ADAMTSL1: variants seen among roughly 807,000 people sequenced by gnomAD.
ADAMTSL1 encodes the protein ADAMTS-like protein 1.
Under a neutral mutation model 201.8 loss-of-function variants are expected in ADAMTSL1, and 126 were observed. The ratio of observed to expected loss-of-function variants is 0.62; its 90% CI spans 0.54 to 0.72. The LOEUF is 0.72. Among genes scored for constraint, ADAMTSL1 ranks in the 30% least tolerant of loss-of-function variants. The pLI is 0.00. For synonymous variants in ADAMTSL1, 1,121 were observed against 903.4 expected (o/e 1.24, Z -4.32); for missense variants, 2,679 against 2,277.8 (o/e 1.18, Z -3.59).
intron 1 of ADAMTSL1, among the ~76,000 whole-genome samples, chr9:17,915,505 A>G (rs1413732991): frequency 6.6e-6 from 1 of 152,248 alleles, no homozygotes; most frequent in Non-Finnish European, 1.5e-5. Context: ...TTGCTATTAC[A>G]AATAAAGCTG....
chr9:18,457,078 A>G (rs184272437), intron 2 of ADAMTSL1, among the ~76,000 whole-genome samples: 1 of 152,170 alleles, frequency 6.6e-6, no homozygotes, highest in African/African-American at 2.4e-5. Flanking sequence ...TCATTTTGTC[A>G]CCCCACATTT....
intron 2 of ADAMTSL1, among the ~76,000 whole-genome samples, chr9:18,210,722 C>G (rs1299261422): frequency 6.6e-6 from 1 of 151,578 alleles, no homozygotes; most frequent in Non-Finnish European, 1.5e-5. Context: ...ACGAACAGCT[C>G]TGGCAGCTTA....
At chr9:18,177,179 G>A (rs774004103) in intron 2 of ADAMTSL1, among the ~76,000 whole-genome samples, 2 of 152,080 alleles carry the variant, frequency 1.3e-5, no homozygotes, top group Non-Finnish European at 2.9e-5. Context: ...AGTTTCTATG[G>A]GGACTGTTCA....
intron 1 of ADAMTSL1, among the ~76,000 whole-genome samples, chr9:18,071,953 T>A (rs560701748): frequency 6.6e-6 from 1 of 152,194 alleles, no homozygotes; most frequent in East Asian, 1.9e-4. Flanking sequence ...ATACTCTGAG[T>A]TCTGTTTTAA....
chr9:18,313,082 G>A (rs1563879028), intron 2 of ADAMTSL1, among the ~76,000 whole-genome samples: 1 of 152,182 alleles, frequency 6.6e-6, no homozygotes, highest in Non-Finnish European at 1.5e-5. Flanking sequence ...TTTGAAGTGG[G>A]TTGGAATGAC....
intron 1 of ADAMTSL1, among the ~76,000 whole-genome samples, chr9:18,486,522 G>T (rs1347848262): frequency 6.6e-6 from 1 of 152,136 alleles, no homozygotes; most frequent in African/African-American, 2.4e-5. Flanking sequence ...TGGGCAACAT[G>T]GCAAAACCTC....
At chr9:18,877,221 A>G (rs7873403) in intron 23 of ADAMTSL1, among the ~76,000 whole-genome samples, 3,625 of 151,950 alleles carry the variant, frequency 0.024, 154 homozygotes, top group African/African-American at 0.083. Flanking sequence ...AATAATTAAC[A>G]TTGTGAATTC....
At chr9:17,981,205 A>G (rs1476611378) in intron 1 of ADAMTSL1, among the ~76,000 whole-genome samples, 1 of 152,200 alleles carries the variant, frequency 6.6e-6, no homozygotes, top group African/African-American at 2.4e-5. Context: ...TGCCCTCACC[A>G]GATACCAGGT....
At chr9:18,833,379 C>G (rs890054128) in intron 23 of ADAMTSL1, among the ~76,000 whole-genome samples, 1 of 152,170 alleles carries the variant, frequency 6.6e-6, no homozygotes, top group African/African-American at 2.4e-5. Flanking sequence ...TGTTTTTTGA[C>G]TTTTTATTAA....
intron 1 of ADAMTSL1, among the ~76,000 whole-genome samples, chr9:18,032,993 T>G (rs1465310091): frequency 6.6e-6 from 1 of 152,166 alleles, no homozygotes; most frequent in East Asian, 1.9e-4. Flanking sequence ...ATGTAATCGT[T>G]TACTTGATAT....
chr9:18,159,463 C>A (rs1827294678), intron 1 of ADAMTSL1, among the ~76,000 whole-genome samples: 1 of 152,002 alleles, frequency 6.6e-6, no homozygotes, highest in Admixed American at 6.6e-5. Context: ...AAATATATGG[C>A]TGCCTCTCCC....
At chr9:18,202,553 C>T (rs758758833) in intron 2 of ADAMTSL1, among the ~76,000 whole-genome samples, 77 of 152,186 alleles carry the variant, frequency 5.1e-4, no homozygotes, top group Non-Finnish European at 5.1e-4. Context: ...CTGTCTCCCA[C>T]ACTTCTCTTC....
chr9:18,804,857 CT>C (rs1823006912), intron 20 of ADAMTSL1, among the ~76,000 whole-genome samples: 1 of 152,184 alleles, frequency 6.6e-6, no homozygotes, highest in African/African-American at 2.4e-5. Flanking sequence ...GATATACTCA[CT>C]CTTTGTAAGG....
intron 1 of ADAMTSL1, among the ~76,000 whole-genome samples, chr9:17,995,053 A>G (rs1819315947): frequency 6.6e-6 from 1 of 152,180 alleles, no homozygotes; most frequent in South Asian, 2.1e-4. Context: ...CGTGTGGCTT[A>G]GCACTACCTA....
chr9:18,667,352 G>A (rs960177370), intron 9 of ADAMTSL1, among the ~76,000 whole-genome samples: 2 of 151,868 alleles, frequency 1.3e-5, no homozygotes, highest in African/African-American at 2.4e-5. Context: ...AGTGTTATGT[G>A]TAGTAGGCAT....
intron 20 of ADAMTSL1, among the ~76,000 whole-genome samples, chr9:18,809,553 G>A (rs939086236): frequency 5.9e-5 from 9 of 152,186 alleles, no homozygotes; most frequent in Non-Finnish European, 1.0e-4. Context: ...ACTTTGGGAG[G>A]CCAAAGCAGG....
At chr9:17,968,198 C>A (rs1417951575) in intron 1 of ADAMTSL1, among the ~76,000 whole-genome samples, 1 of 152,032 alleles carries the variant, frequency 6.6e-6, no homozygotes, top group Non-Finnish European at 1.5e-5. Flanking sequence ...TCTCTTTATC[C>A]TCCTCCATCT....
Position 18,777,792 on chromosome 9 carries a change from C to A in ADAMTSL1, c.3563C>A (p.Thr1188Lys). 6.2e-7 allele frequency: 1 copy of A among 1,613,740 alleles called. No individual in the cohort carries two copies. The highest frequency in any genetic ancestry group is 8.5e-7 in the Non-Finnish European group (1 of 1,179,830). Reference protein sequence around the residue: ...ASEVVTHLGQTVALASGTLSV... With the variant: ...ASEVVTHLGQKVALASGTLSV... ...GAGGTGGTCACCCACCTGGGGCAGA[C>A]GGTGGCCCTGGCCAGCGGGACACTG... The change falls in exon 19 of 29, where the codon ACG becomes AAG. Residue 1188 changes from threonine to lysine, a missense_variant. Transcript: ENST00000380548.
At chr9:18,550,527 T>C (rs533922080) in intron 3 of ADAMTSL1, among the ~76,000 whole-genome samples, 1 of 152,010 alleles carries the variant, frequency 6.6e-6, no homozygotes, top group East Asian at 1.9e-4. Context: ...AACAATGAAG[T>C]GGGACATCTG....
Sources: gnomAD v4.1 joint callset for allele counts (sites outside exome capture counted in the v4.1 genomes callset) on GRCh38, gnomAD v4.1.1 for gene constraint, MANE v1.5 for transcripts, NCBI Gene and HGNC (gene_info 2026-07-23, HGNC 2026-07-21) for gene names.